KAZN: variants seen among roughly 807,000 people sequenced by gnomAD.
KAZN encodes the protein kazrin.
KAZN carries 40 observed loss-of-function variants against 87.4 expected under a neutral mutation model. The observed-to-expected ratio is 0.46, with a 90% CI of 0.36 to 0.60. The LOEUF is 0.60. Among genes scored for constraint, KAZN ranks in the 20% least tolerant of loss-of-function variants. The pLI is 0.00. For synonymous variants in KAZN, 466 were observed against 458.3 expected (o/e 1.02, Z -0.22); for missense variants, 898 against 1,073.9 (o/e 0.84, Z 2.29).
intron 2 of KAZN, among the ~76,000 whole-genome samples, chr1:14,373,383 C>T (rs999481582): frequency 2.6e-5 from 4 of 152,036 alleles, no homozygotes; most frequent in Admixed American, 2.6e-4. Context: ...TGGTGTAAGT[C>T]CCGGTCCAAG....
At chr1:14,357,519 T>C (rs1227662335) in intron 2 of KAZN, among the ~76,000 whole-genome samples, 1 of 152,236 alleles carries the variant, frequency 6.6e-6, no homozygotes, top group Non-Finnish European at 1.5e-5. Flanking sequence ...AAGGGAATGC[T>C]TCCAGCTTTT....
intron 2 of KAZN, among the ~76,000 whole-genome samples, chr1:14,255,190 TAGTG>T (rs1042439298): frequency 6.9e-6 from 1 of 145,474 alleles, no homozygotes; most frequent in African/African-American, 2.5e-5. Flanking sequence ...GTGTCTCAAA[TAGTG>T]AGAGAGGGAG....
intron 2 of KAZN, among the ~76,000 whole-genome samples, chr1:14,451,931 C>T (rs6701731): frequency 0.21 from 19,033 of 89,958 alleles, 1,697 homozygotes; most frequent in Middle Eastern, 0.29. Context: ...GAGATTAACT[C>T]TTTTTTGTTT....
intron 1 of KAZN, among the ~76,000 whole-genome samples, chr1:13,937,335 T>C (rs1640780143): frequency 6.6e-6 from 1 of 152,214 alleles, no homozygotes; most frequent in Non-Finnish European, 1.5e-5. Context: ...TGAGCCACCA[T>C]GCCCAGCCAT....
intron 1 of KAZN, among the ~76,000 whole-genome samples, chr1:14,794,523 G>T (rs888081741): frequency 6.6e-6 from 1 of 152,184 alleles, no homozygotes; most frequent in African/African-American, 2.4e-5. Context: ...TTCTCACTGC[G>T]GGGCCAGGGT....
chr1:14,614,666 C>T (rs1297688428), intron 1 of KAZN, among the ~76,000 whole-genome samples: 1 of 152,212 alleles, frequency 6.6e-6, no homozygotes, highest in Admixed American at 6.5e-5. Flanking sequence ...GTTTTGCTTT[C>T]AAGATTGACC....
At chr1:14,139,125 G>A (rs1645176493) in intron 1 of KAZN, among the ~76,000 whole-genome samples, 1 of 152,118 alleles carries the variant, frequency 6.6e-6, no homozygotes, top group Admixed American at 6.5e-5. Flanking sequence ...TGCATTAATT[G>A]CTACCACTTC....
intron 1 of KAZN, among the ~76,000 whole-genome samples, chr1:14,920,453 G>A (rs1658380983): frequency 6.6e-6 from 1 of 151,600 alleles, no homozygotes; most frequent in Non-Finnish European, 1.5e-5. Context: ...TTGCCGGGAG[G>A]ACTGGATGAG....
chr1:14,517,225 G>T (rs977185472), intron 2 of KAZN, among the ~76,000 whole-genome samples: 3 of 152,176 alleles, frequency 2.0e-5, no homozygotes, highest in Non-Finnish European at 2.9e-5. Flanking sequence ...AGGAAACAGA[G>T]TTCTCTTTTT....
intron 2 of KAZN, among the ~76,000 whole-genome samples, chr1:14,470,397 G>T (rs1668391458): frequency 6.6e-6 from 1 of 152,148 alleles, no homozygotes; most frequent in African/African-American, 2.4e-5. Context: ...AAGAAAGAAG[G>T]CAAGAGGAAG....
At position 14,627,357 on chromosome 1, in the gene KAZN, G is replaced by A. The variant is rs75016900; in HGVS notation, c.226+28134G>A. Among the ~76,000 whole-genome samples, 534 of 152,136 alleles carry A rather than the reference G, an allele frequency of 3.5e-3. 12 individuals carry two copies. In the East Asian group the frequency reaches 0.048, roughly 14 times the overall value. ...CTCTGTAGCTGGGGCCCAGCAAGTCGCCCAGGAGGTCAATAAGAGATGAGA... is the reference window on the plus strand; with the variant it reads ...CTCTGTAGCTGGGGCCCAGCAAGTCACCCAGGAGGTCAATAAGAGATGAGA... On this transcript the variant is annotated intron_variant, in intron 1 of 14. Transcript: ENST00000376030.
intron 1 of KAZN, among the ~76,000 whole-genome samples, chr1:14,776,090 A>G (rs1227565461): frequency 7.9e-5 from 12 of 152,088 alleles, no homozygotes; most frequent in Admixed American, 7.9e-4. Flanking sequence ...GCTCACTGCA[A>G]CTTCTGCCTC....
intron 1 of KAZN, among the ~76,000 whole-genome samples, chr1:14,101,833 T>C (rs114050464): frequency 0.02 from 3,101 of 152,328 alleles, 92 homozygotes; most frequent in South Asian, 0.066. Context: ...TTACATATTG[T>C]GTTTGCTTAG....
At chr1:14,462,595 C>T (rs987020008) in intron 2 of KAZN, among the ~76,000 whole-genome samples, 21 of 152,076 alleles carry the variant, frequency 1.4e-4, no homozygotes, top group Non-Finnish European at 1.5e-4. Flanking sequence ...AAAGACATAC[C>T]TGAGACTGGG....
In KAZN at chr1:14,433,357, G is replaced by A. The variant is rs113779516; in HGVS notation, c.250-165626G>A. Among the ~76,000 whole-genome samples the A allele has an allele frequency of 2.6e-3, 395 of 152,130 alleles. 1 individual carries two copies. Among genetic ancestry groups the A allele is most frequent in the Middle Eastern group, 0.01 (3 of 294 alleles). On this transcript the variant is annotated intron_variant, in intron 2 of 16. Coordinates refer to the KAZN transcript ENST00000636203. ...AATAATTGCATAGTGTGCACTCTTC[G>A]GTGCCCAGTTTCTTTCATTCAACAT... is the stretch of plus-strand genomic sequence containing the variant.
At chr1:14,451,075 C>T (rs928319708) in intron 2 of KAZN, among the ~76,000 whole-genome samples, 2 of 152,178 alleles carry the variant, frequency 1.3e-5, no homozygotes, top group Non-Finnish European at 2.9e-5. Context: ...TAAAAACTCC[C>T]TGAAGCCTCC....
chr1:14,312,402 A>G (rs1218274538), intron 2 of KAZN, among the ~76,000 whole-genome samples: 3 of 152,124 alleles, frequency 2.0e-5, no homozygotes, highest in Non-Finnish European at 4.4e-5. Flanking sequence ...TCCCAACTTA[A>G]TAGATACAAC....
intron 1 of KAZN, among the ~76,000 whole-genome samples, chr1:14,898,315 A>G: frequency 6.6e-6 from 1 of 152,208 alleles, no homozygotes; most frequent in Non-Finnish European, 1.5e-5. Flanking sequence ...GGGGAAGATG[A>G]AACAGAACTG....
rs1406039474 is a variant in KAZN at position 14,848,257 on chromosome 1, T to C, written c.227-112427T>C. Among the ~76,000 whole-genome samples the C allele has an allele frequency of 2.0e-5, 3 of 152,280 alleles. No individual in the cohort carries two copies. The East Asian group carries it at 5.8e-4, about 29-fold the overall frequency. On this transcript the variant is annotated intron_variant, in intron 1 of 14. Coordinates refer to ENST00000376030, the MANE Select transcript of KAZN (RefSeq NM_201628.3). ...GACCTTCTCCTTCTCCCCAAGATGA[T>C]GTCACCAAGTTCAGAACTTGGGATG...
Sources: gnomAD v4.1 joint callset for allele counts (sites outside exome capture counted in the v4.1 genomes callset) on GRCh38, gnomAD v4.1.1 for gene constraint, MANE v1.5 for transcripts, NCBI Gene and HGNC (gene_info 2026-07-23, HGNC 2026-07-21) for gene names.